The following ANAPC1 variants were observed in gnomAD, a reference collection of about 807,000 sequenced individuals.
ANAPC1 encodes anaphase promoting complex subunit 1.
Under a neutral mutation model 208.0 loss-of-function variants are expected in ANAPC1, and 36 were observed. The observed-to-expected ratio is 0.17, with a 90% CI of 0.13 to 0.23. The LOEUF (loss-of-function observed/expected upper bound fraction) is 0.23. Ranked by LOEUF, ANAPC1 falls within the 10% of genes least tolerant of loss-of-function variation. The pLI, the probability that ANAPC1 is intolerant of heterozygous loss-of-function variation, is 1.00. For missense variants in ANAPC1, 942 were observed against 2,011.6 expected, an observed-to-expected ratio of 0.47 and a Z score of 10.17; for synonymous variants, 378 against 695.2, an observed-to-expected ratio of 0.54 and a Z score of 7.18.
chr2:111,843,331 T>C (rs1254305058), intron 17 of ANAPC1, 81 bp downstream of exon 17: 8 of 1,372,250 alleles, frequency 5.8e-6, no homozygotes, highest in Admixed American at 1.8e-5. Context: ...GCCTATTATG[T>C]AGTCTCAATG....
chr2:111,867,419 G>A (rs560001483), intron 7 of ANAPC1, among the ~76,000 whole-genome samples: 2 of 150,922 alleles, frequency 1.3e-5, no homozygotes, highest in African/African-American at 2.4e-5. Context: ...AGCTAGGCAC[G>A]GTGGCTCACC....
At chr2:111,778,203 G>C (rs1677090323) in intron 45 of ANAPC1, among the ~76,000 whole-genome samples, 1 of 152,094 alleles carries the variant, frequency 6.6e-6, no homozygotes, top group Non-Finnish European at 1.5e-5. Context: ...GCAATAACAA[G>C]AGAAATTTAA....
At chr2:111,769,663 T>C (rs1676611439) in intron 47 of ANAPC1, among the ~76,000 whole-genome samples, 1 of 132,464 alleles carries the variant, frequency 7.5e-6, no homozygotes, top group Admixed American at 8.4e-5. Flanking sequence ...ATATCTGCAT[T>C]ACACCTACTG....
At chr2:111,848,713 G>A (rs1045542571) in intron 14 of ANAPC1, among the ~76,000 whole-genome samples, 1 of 151,244 alleles carries the variant, frequency 6.6e-6, no homozygotes, top group African/African-American at 2.4e-5. Context: ...GGAGGTGGAG[G>A]TTGCAGTACG....
At chr2:111,867,944 AT>A in intron 7 of ANAPC1, 78 bp downstream of exon 7, 1 of 860,236 alleles carries the variant, frequency 1.2e-6, no homozygotes, top group Non-Finnish European at 1.8e-6. Context: ...GTCAGTTTTC[AT>A]ATAAGCGCCT....
At chr2:111,796,037 CGAGA>C (rs1678148577) in intron 34 of ANAPC1, among the ~76,000 whole-genome samples, 1 of 148,212 alleles carries the variant, frequency 6.7e-6, no homozygotes, top group Non-Finnish European at 1.5e-5. Flanking sequence ...GCCTGGAGTT[CGAGA>C]CCAGCCTGGC....
At chr2:111,873,240 C>T in intron 5 of ANAPC1, 68 bp downstream of exon 5, 8 of 1,427,600 alleles carry the variant, frequency 5.6e-6, no homozygotes, top group East Asian at 2.4e-5. Context: ...TAAGACATGC[C>T]TCTAAAACCA....
At chr2:111,797,433 A>G (rs1481399310) in intron 34 of ANAPC1, among the ~76,000 whole-genome samples, 1 of 150,872 alleles carries the variant, frequency 6.6e-6, no homozygotes, top group Non-Finnish European at 1.5e-5. Flanking sequence ...GCACTTTCAA[A>G]AAAACTAAAA....
At chr2:111,880,096 G>A (rs559102679) in intron 2 of ANAPC1, among the ~76,000 whole-genome samples, 16 of 152,174 alleles carry the variant, frequency 1.1e-4, no homozygotes, top group East Asian at 3.9e-4. Context: ...CAAGTTGGCC[G>A]GGCACAGTGG....
At position 111,868,097 on chromosome 2, in the gene ANAPC1, C is replaced by T. The variant is rs1297416314; in HGVS notation, c.612-1G>A. On this transcript the variant is annotated splice_acceptor_variant, in intron 6 of 47. Transcript: ENST00000341068. LOFTEE classifies it high-confidence loss of function. ...GCTGAACATAGTAGGTAAAGGTTCT[C>T]TAGCAATAAACAAATAATCAATTAA... is the stretch of plus-strand genomic sequence containing the variant. 1 of 1,582,250 alleles carries T rather than the reference C, an allele frequency of 6.3e-7. No homozygotes were observed. The highest frequency in any genetic ancestry group is 8.6e-7 in the Non-Finnish European group (1 of 1,164,998).
intron 20 of ANAPC1, 130 bp from the exon 21 acceptor site, chr2:111,831,564 G>C (rs982422547): frequency 4.5e-5 from 38 of 850,344 alleles, no homozygotes; most frequent in Non-Finnish European, 6.7e-5. Flanking sequence ...TTCCAGCTGG[G>C]TGCAGTGGCT....
intron 3 of ANAPC1, among the ~76,000 whole-genome samples, chr2:111,876,922 T>C (rs1230820451): frequency 1.3e-5 from 2 of 152,198 alleles, no homozygotes; most frequent in Middle Eastern, 3.4e-3. Context: ...GTTATAAAAA[T>C]TTTCAGTAAG....
In ANAPC1 at chr2:111,846,504, G is replaced by T. The variant is rs539464003; in HGVS notation, c.1852+634C>A. Among the ~76,000 whole-genome samples, 214 of 133,876 alleles carry T rather than the reference G, an allele frequency of 1.6e-3. 1 individual carries two copies. Among genetic ancestry groups the T allele is most frequent in the Middle Eastern group, 4.8e-3 (1 of 208 alleles). The allele number at this position is 133,876 out of a possible 152,430, so 87.8% of individuals were successfully genotyped here. On this transcript the variant is annotated intron_variant, in intron 16 of 47. Transcript: ENST00000341068. ...AGCTTCCAGTTTCCCAGATGTTCTT[G>T]CAAGAGGCATGTCCATATATATACA...
chr2:111,842,642 C>CA (rs1320611057), intron 17 of ANAPC1, among the ~76,000 whole-genome samples: 21,883 of 83,672 alleles, frequency 0.26, 2,023 homozygotes, highest in African/African-American at 0.29. Flanking sequence ...CATTCTGTCT[C>CA]AAAAAAAAAA....
chr2:111,828,033 G>A (rs139518027), intron 21 of ANAPC1, among the ~76,000 whole-genome samples: 2,885 of 152,068 alleles, frequency 0.019, 77 homozygotes, highest in African/African-American at 0.066. Flanking sequence ...GAAAATATTT[G>A]CAAATCATGT....
At chr2:111,860,705 T>C (rs1346863321) in intron 10 of ANAPC1, among the ~76,000 whole-genome samples, 1 of 151,978 alleles carries the variant, frequency 6.6e-6, no homozygotes, top group African/African-American at 2.4e-5. Flanking sequence ...TTTTGCTTTG[T>C]CTCTCTGTGC....
In ANAPC1 at chr2:111,811,265, G is replaced by A. The variant is rs200640606; in HGVS notation, c.3598-2084C>T. Among the ~76,000 whole-genome samples, 179 of 145,968 alleles carry A rather than the reference G, an allele frequency of 1.2e-3. 2 individuals are homozygous for A. The East Asian group carries it at 0.034, about 28-fold the overall frequency. On this transcript the variant is annotated intron_variant, in intron 28 of 47. Transcript: ENST00000341068. ...CTCTTTGAGAAATTGCTTCTTTTCA[G>A]GGCAGGATGCTGGGTTATGCTTGAT...
chr2:111,877,901 T>C (rs1683102687), intron 3 of ANAPC1, among the ~76,000 whole-genome samples: 1 of 152,246 alleles, frequency 6.6e-6, no homozygotes. Context: ...CTATATTTCC[T>C]ATAAATAGGA....
chr2:111,816,031 A>G (rs1573381600), intron 27 of ANAPC1, among the ~76,000 whole-genome samples: 1 of 152,158 alleles, frequency 6.6e-6, no homozygotes, highest in South Asian at 2.1e-4. Context: ...AAATCCCAAC[A>G]TCTGATGACA....
Sources: allele counts gnomAD v4.1 joint callset (sites outside exome capture counted in the v4.1 genomes callset), GRCh38; gene constraint gnomAD v4.1.1; transcripts MANE v1.5; gene names NCBI Gene and HGNC (gene_info 2026-07-23, HGNC 2026-07-21).